Variants in BABAM2 observed in about 807,000 individuals in gnomAD.
The protein encoded by BABAM2 is BRISC and BRCA1-A complex member 2.
BABAM2 carries 31 observed loss-of-function variants against 54.7 expected under a neutral mutation model. The observed-to-expected ratio is 0.57, with a 90% CI of 0.43 to 0.77. The LOEUF is 0.77. Among genes scored for constraint, BABAM2 ranks in the 30% least tolerant of loss-of-function variants. BABAM2 has a pLI of 0.00. For missense variants in BABAM2, 364 were observed against 455.8 expected (o/e 0.80, Z 1.83); for synonymous variants, 167 against 162.9 (o/e 1.03, Z -0.19).
chr2:28,016,081 T>C, intron 4 of BABAM2: 1 of 796,058 alleles, frequency 1.3e-6, no homozygotes, highest in Non-Finnish European at 2.1e-6. Flanking sequence ...ATGTGAACGG[T>C]TCTTTTTCTT....
At chr2:28,317,625 A>G (rs574243398) in intron 11 of BABAM2, among the ~76,000 whole-genome samples, 72 of 152,362 alleles carry the variant, frequency 4.7e-4, no homozygotes, top group African/African-American at 1.7e-3. Context: ...GAGACCAAGA[A>G]AACTTGTTTT....
At chr2:27,987,897 A>C in intron 3 of BABAM2, 96 bp from the exon 4 acceptor site, 1 of 1,036,912 alleles carries the variant, frequency 9.6e-7, no homozygotes, top group Non-Finnish European at 1.5e-6. Context: ...TCTTAAACTA[A>C]TGTAAATTTC....
chr2:28,296,100 G>A (rs969828709), intron 10 of BABAM2, among the ~76,000 whole-genome samples: 3 of 152,092 alleles, frequency 2.0e-5, no homozygotes, highest in Non-Finnish European at 4.4e-5. Context: ...GCGACAGAGC[G>A]AGACCCTGTC....
chr2:28,211,816 A>G (rs1679487783), intron 7 of BABAM2, among the ~76,000 whole-genome samples: 1 of 152,198 alleles, frequency 6.6e-6, no homozygotes, highest in South Asian at 2.1e-4. Context: ...ATATAGAAAA[A>G]TTTTGTATCA....
chr2:28,165,256 G>A (rs1673528674), intron 7 of BABAM2, among the ~76,000 whole-genome samples: 1 of 152,162 alleles, frequency 6.6e-6, no homozygotes, highest in South Asian at 2.1e-4. Flanking sequence ...TCTGCCTCAG[G>A]CATCAAAAAT....
At chr2:28,321,811 C>T (rs1462117721) in intron 11 of BABAM2, among the ~76,000 whole-genome samples, 4 of 152,034 alleles carry the variant, frequency 2.6e-5, no homozygotes, top group Non-Finnish European at 5.9e-5. Flanking sequence ...CCCTCTGCCC[C>T]ACCTTTGCCT....
intron 10 of BABAM2, among the ~76,000 whole-genome samples, chr2:28,275,693 A>C (rs918989510): frequency 1.3e-5 from 2 of 152,212 alleles, no homozygotes; most frequent in Non-Finnish European, 2.9e-5. Flanking sequence ...AAAATGTCAT[A>C]ATTTCACAGA....
chr2:28,151,579 A>AAAAAG (rs538975937), intron 7 of BABAM2, among the ~76,000 whole-genome samples: 228 of 152,284 alleles, frequency 1.5e-3, no homozygotes, highest in African/African-American at 5.1e-3. Flanking sequence ...CCATCTCAAA[A>AAAAAG]AAAAGAAAAG....
At chr2:28,101,097 C>G (rs938245512) in intron 6 of BABAM2, among the ~76,000 whole-genome samples, 1 of 152,204 alleles carries the variant, frequency 6.6e-6, no homozygotes, top group Non-Finnish European at 1.5e-5. Context: ...ATTACTGATA[C>G]AGCAGTTTTA....
intron 7 of BABAM2, among the ~76,000 whole-genome samples, chr2:28,168,079 C>G (rs1283225999): frequency 1.3e-5 from 2 of 152,126 alleles, no homozygotes; most frequent in Admixed American, 6.5e-5. Context: ...CCTTCCTCAT[C>G]CAAGGGCTTT....
At chr2:27,915,987 C>T (rs1666940999) in intron 2 of BABAM2, among the ~76,000 whole-genome samples, 3 of 152,112 alleles carry the variant, frequency 2.0e-5, no homozygotes, top group Admixed American at 1.3e-4. Flanking sequence ...ATAGGTTAAG[C>T]ATGTACTGAG....
intron 10 of BABAM2, among the ~76,000 whole-genome samples, chr2:28,288,963 T>G (rs1030269280): frequency 7.3e-6 from 1 of 137,478 alleles, no homozygotes; most frequent in Admixed American, 7.2e-5. Context: ...TGGGTTGTTG[T>G]TTTTTTTTTT....
chr2:27,904,261 A>G (rs1666035804), intron 2 of BABAM2, among the ~76,000 whole-genome samples: 1 of 152,254 alleles, frequency 6.6e-6, no homozygotes, highest in South Asian at 2.1e-4. Flanking sequence ...GGGTAGGCCA[A>G]GGGTAACTGA....
intron 7 of BABAM2, among the ~76,000 whole-genome samples, chr2:28,154,924 C>G (rs1672404651): frequency 6.6e-6 from 1 of 152,146 alleles, no homozygotes; most frequent in Non-Finnish European, 1.5e-5. Flanking sequence ...AGTTGAGAAT[C>G]AGTCTTTCAC....
intron 7 of BABAM2, among the ~76,000 whole-genome samples, chr2:28,145,087 T>C (rs1293547311): frequency 6.6e-6 from 1 of 152,204 alleles, no homozygotes; most frequent in Non-Finnish European, 1.5e-5. Context: ...AACCTGTGCT[T>C]TTAACAAGTA....
At chr2:28,115,907 G>A (rs1318063618) in intron 6 of BABAM2, among the ~76,000 whole-genome samples, 1 of 151,984 alleles carries the variant, frequency 6.6e-6, no homozygotes, top group African/African-American at 2.4e-5. Context: ...CTGAGGTCGG[G>A]AGTTCGAGAC....
chr2:27,937,416 G>A (rs1293446327), intron 3 of BABAM2, among the ~76,000 whole-genome samples: 3 of 152,122 alleles, frequency 2.0e-5, no homozygotes, highest in Non-Finnish European at 4.4e-5. Context: ...ATGAGCCACC[G>A]CACCCAGCCT....
chr2:28,314,693 A>T (rs1208362677), intron 11 of BABAM2, among the ~76,000 whole-genome samples: 1 of 152,192 alleles, frequency 6.6e-6, no homozygotes, highest in Non-Finnish European at 1.5e-5. Context: ...GAACTAGAGG[A>T]GGGATGAGAA....
At chr2:27,894,866 T>C (rs1183831872) in intron 2 of BABAM2, 182 bp downstream of exon 2, 1 of 645,070 alleles carries the variant, frequency 1.6e-6, no homozygotes, top group East Asian at 2.9e-5. Flanking sequence ...TCAGGTTATT[T>C]TATTTGTGTT....
Sources: allele counts gnomAD v4.1 joint callset (sites outside exome capture counted in the v4.1 genomes callset), GRCh38; gene constraint gnomAD v4.1.1; transcripts MANE v1.5; gene names NCBI Gene and HGNC (gene_info 2026-07-23, HGNC 2026-07-21).